The following ROBO2 variants were observed in gnomAD, a reference collection of about 807,000 sequenced individuals.
The protein encoded by ROBO2 is roundabout homolog 2.
Under a neutral mutation model 160.8 loss-of-function variants are expected in ROBO2, and 53 were observed. The observed-to-expected ratio is 0.33, with a 90% CI of 0.26 to 0.41. ROBO2 has a LOEUF of 0.41. Ranked by LOEUF, ROBO2 falls within the 10% of genes least tolerant of loss-of-function variation. The pLI, the probability that ROBO2 is intolerant of heterozygous loss-of-function variation, is 1.00. For missense variants in ROBO2, 1,577 were observed against 1,722.4 expected (o/e 0.92, Z 1.49); for synonymous variants, 664 against 611.7 (o/e 1.09, Z -1.26).
chr3:76,854,079 C>CTCT (rs1559605613), intron 2 of ROBO2, among the ~76,000 whole-genome samples: 8 of 132,492 alleles, frequency 6.0e-5, no homozygotes, highest in East Asian at 2.2e-4. Context: ...TCTCTGTCTG[C>CTCT]CTCTCTCTCT....
chr3:76,579,530 G>GA (rs1008650098), intron 2 of ROBO2, among the ~76,000 whole-genome samples: 21 of 151,922 alleles, frequency 1.4e-4, no homozygotes, highest in African/African-American at 4.3e-4. Flanking sequence ...TAATTCTACA[G>GA]AAAAAAACAC....
At chr3:76,928,981 C>T (rs948720010) in intron 2 of ROBO2, among the ~76,000 whole-genome samples, 3 of 152,148 alleles carry the variant, frequency 2.0e-5, no homozygotes, top group Admixed American at 6.5e-5. Context: ...CAACCTGGGC[C>T]GGGTGTGGTG....
chr3:76,768,432 G>T (rs2061690842), intron 2 of ROBO2, among the ~76,000 whole-genome samples: 1 of 151,308 alleles, frequency 6.6e-6, no homozygotes, highest in Non-Finnish European at 1.5e-5. Flanking sequence ...TTCGTCTCAT[G>T]ATGTATAATC....
intron 2 of ROBO2, among the ~76,000 whole-genome samples, chr3:76,351,961 A>C (rs2074903465): frequency 6.6e-6 from 1 of 152,008 alleles, no homozygotes; most frequent in Non-Finnish European, 1.5e-5. Flanking sequence ...TAACTTTACA[A>C]TGTCATAACT....
intron 2 of ROBO2, among the ~76,000 whole-genome samples, chr3:76,068,154 A>T (rs1278027903): frequency 2.6e-5 from 4 of 152,122 alleles, no homozygotes; most frequent in Admixed American, 6.6e-5. Context: ...AGGATAGCCT[A>T]GTTGTTAAGA....
At chr3:76,466,108 A>T (rs1443347405) in intron 2 of ROBO2, among the ~76,000 whole-genome samples, 2 of 151,878 alleles carry the variant, frequency 1.3e-5, no homozygotes, top group African/African-American at 4.8e-5. Context: ...TTCTTGCAAC[A>T]AAGTACCTAT....
intron 24 of ROBO2, among the ~76,000 whole-genome samples, 195 bp from the exon 26 acceptor site, chr3:77,642,476 A>G (rs2095362676): frequency 6.6e-6 from 1 of 152,210 alleles, no homozygotes; most frequent in East Asian, 1.9e-4. Flanking sequence ...TTTTGTTTCA[A>G]TGATGCTATG....
intron 2 of ROBO2, among the ~76,000 whole-genome samples, chr3:76,552,527 T>C (rs1276981941): frequency 6.6e-6 from 1 of 152,244 alleles, no homozygotes; most frequent in African/African-American, 2.4e-5. Flanking sequence ...AGCTTTCTTT[T>C]CATATAATTA....
chr3:77,371,029 G>C (rs1427195834), intron 2 of ROBO2, among the ~76,000 whole-genome samples: 3 of 152,174 alleles, frequency 2.0e-5, no homozygotes, highest in African/African-American at 4.8e-5. Flanking sequence ...CCTGGAAAAA[G>C]AGCGGATATG....
chr3:76,639,587 A>C (rs2090541159), intron 2 of ROBO2, among the ~76,000 whole-genome samples: 1 of 152,050 alleles, frequency 6.6e-6, no homozygotes, highest in South Asian at 2.1e-4. Flanking sequence ...CATCATTTCT[A>C]CTTTCCCTAA....
intron 2 of ROBO2, among the ~76,000 whole-genome samples, chr3:75,984,939 C>G (rs1033534184): frequency 6.6e-6 from 1 of 151,402 alleles, no homozygotes; most frequent in Non-Finnish European, 1.5e-5. Context: ...GGGTAATACT[C>G]TTATTTAAAT....
At chr3:75,995,721 G>A (rs539995723) in intron 2 of ROBO2, among the ~76,000 whole-genome samples, 1 of 152,244 alleles carries the variant, frequency 6.6e-6, no homozygotes, top group African/African-American at 2.4e-5. Context: ...GACACTGAAA[G>A]CCAGCCCACA....
intron 2 of ROBO2, among the ~76,000 whole-genome samples, chr3:76,244,235 G>C (rs541884334): frequency 1.3e-5 from 2 of 152,288 alleles, no homozygotes; most frequent in East Asian, 3.9e-4. Context: ...TGTAGCAAAG[G>C]CTAGCCAGCT....
intron 2 of ROBO2, among the ~76,000 whole-genome samples, chr3:76,088,760 A>T (rs1404593955): frequency 6.6e-6 from 1 of 152,086 alleles, no homozygotes; most frequent in Non-Finnish European, 1.5e-5. Flanking sequence ...AATGTGTTAG[A>T]AAAGAAGAAA....
intron 2 of ROBO2, among the ~76,000 whole-genome samples, chr3:76,160,704 A>G (rs967056483): frequency 1.3e-5 from 2 of 152,144 alleles, no homozygotes; most frequent in Non-Finnish European, 2.9e-5. Flanking sequence ...TAGTTTTAGC[A>G]GAATTCATGT....
intron 2 of ROBO2, among the ~76,000 whole-genome samples, chr3:77,449,446 C>T (rs894517708): frequency 6.6e-6 from 1 of 151,932 alleles, no homozygotes; most frequent in African/African-American, 2.4e-5. Flanking sequence ...TGCTGTAAGT[C>T]CATACATCTT....
chr3:77,462,558 C>A (rs1216120737), intron 2 of ROBO2, among the ~76,000 whole-genome samples: 1 of 152,168 alleles, frequency 6.6e-6, no homozygotes, highest in Non-Finnish European at 1.5e-5. Context: ...TGTTTCTATA[C>A]TCTCTTCGCA....
intron 2 of ROBO2, among the ~76,000 whole-genome samples, chr3:76,509,167 T>C (rs1033150780): frequency 2.6e-5 from 4 of 152,330 alleles, no homozygotes; most frequent in Admixed American, 6.5e-5. Context: ...GTAGTTTTTC[T>C]AGTAAAAGAA....
At chr3:76,661,652 A>G (rs567453149) in intron 2 of ROBO2, among the ~76,000 whole-genome samples, 1 of 152,282 alleles carries the variant, frequency 6.6e-6, no homozygotes, top group South Asian at 2.1e-4. Flanking sequence ...TTTCGTCCAA[A>G]GAGTTGAAGT....
Sources: allele counts gnomAD v4.1 joint callset (sites outside exome capture counted in the v4.1 genomes callset), GRCh38; gene constraint gnomAD v4.1.1; transcripts MANE v1.5; gene names NCBI Gene and HGNC (gene_info 2026-07-23, HGNC 2026-07-21).